Variants in SLC25A48 observed in about 807,000 individuals in gnomAD.
SLC25A48 encodes solute carrier family 25 member 48.
SLC25A48 carries 29 observed loss-of-function variants against 32.2 expected under a neutral mutation model. That is an observed-to-expected ratio of 0.90 (90% CI 0.67 to 1.23). The LOEUF (loss-of-function observed/expected upper bound fraction) is 1.23. Ranked by LOEUF, SLC25A48 falls within the 50% of genes most tolerant of loss-of-function variation. SLC25A48 has a pLI of 0.00. For missense variants in SLC25A48, 399 were observed against 422.7 expected, an observed-to-expected ratio of 0.94 and a Z score of 0.49; for synonymous variants, 164 against 172.3, an observed-to-expected ratio of 0.95 and a Z score of 0.38.
At chr5:135,608,689 T>G (rs1480235133) in intron 1 of SLC25A48, among the ~76,000 whole-genome samples, 1 of 152,236 alleles carries the variant, frequency 6.6e-6, no homozygotes, top group African/African-American at 2.4e-5. Context: ...AGACAATGAC[T>G]GATAGAAGTG....
At chr5:135,711,434 C>A (rs1010600788) in intron 3 of SLC25A48, among the ~76,000 whole-genome samples, 1 of 152,172 alleles carries the variant, frequency 6.6e-6, no homozygotes, top group Non-Finnish European at 1.5e-5. Flanking sequence ...TGAACCCCAG[C>A]CTCTGGGAGA....
chr5:135,833,798 T>G (rs1182887942), upstream of SLC25A48, among the ~76,000 whole-genome samples: 1 of 152,180 alleles, frequency 6.6e-6, no homozygotes, highest in Non-Finnish European at 1.5e-5. Flanking sequence ...AGGATCAAGC[T>G]TCGGTGGTCA....
At chr5:135,797,353 T>G (rs915404044) in intron 3 of SLC25A48, among the ~76,000 whole-genome samples, 2 of 151,958 alleles carry the variant, frequency 1.3e-5, no homozygotes, top group African/African-American at 2.4e-5. Flanking sequence ...ACACACCCAC[T>G]GTGATATTAT....
chr5:135,774,688 G>T (rs994895170), intron 3 of SLC25A48, among the ~76,000 whole-genome samples: 13 of 151,352 alleles, frequency 8.6e-5, no homozygotes, highest in African/African-American at 2.7e-4. Flanking sequence ...CTGTACTATT[G>T]TTCCCAATAT....
At chr5:135,765,541 T>C (rs1256483941) in intron 3 of SLC25A48, among the ~76,000 whole-genome samples, 2 of 150,792 alleles carry the variant, frequency 1.3e-5, no homozygotes, top group South Asian at 2.1e-4. Flanking sequence ...GGGTGTAATA[T>C]AATTTTTAAT....
intron 4 of SLC25A48, among the ~76,000 whole-genome samples, chr5:135,853,797 T>C (rs55653593): frequency 0.066 from 10,112 of 152,228 alleles, 508 homozygotes; most frequent in African/African-American, 0.13. Context: ...TCTAGAATGG[T>C]GAATTTTTTC....
At chr5:135,711,121 A>G (rs1167377068) in intron 3 of SLC25A48, among the ~76,000 whole-genome samples, 1 of 152,216 alleles carries the variant, frequency 6.6e-6, no homozygotes, top group African/African-American at 2.4e-5. Flanking sequence ...AGAGCAGTGC[A>G]AGAGTTGCCT....
intron 1 of SLC25A48, among the ~76,000 whole-genome samples, chr5:135,606,620 C>A (rs567158958): frequency 6.6e-6 from 1 of 152,146 alleles, no homozygotes; most frequent in Non-Finnish European, 1.5e-5. Context: ...AGTGGCAGAC[C>A]CTGAACAAGC....
chr5:135,665,088 T>A (rs1753489304), intron 3 of SLC25A48, among the ~76,000 whole-genome samples: 1 of 152,228 alleles, frequency 6.6e-6, no homozygotes, highest in South Asian at 2.1e-4. Flanking sequence ...CAACATCTAT[T>A]GTTTCTTGAC....
intron 3 of SLC25A48, among the ~76,000 whole-genome samples, chr5:135,795,107 C>T (rs748195291): frequency 6.6e-6 from 1 of 151,856 alleles, no homozygotes; most frequent in Non-Finnish European, 1.5e-5. Context: ...GGGCTGTACA[C>T]CACTCCTGTG....
intron 1 of SLC25A48, among the ~76,000 whole-genome samples, chr5:135,604,661 A>G (rs527951417): frequency 1.3e-5 from 2 of 152,350 alleles, no homozygotes; most frequent in Non-Finnish European, 2.9e-5. Flanking sequence ...CAATTGATAC[A>G]AGGGTAACTC....
rs1561567818 is a variant in SLC25A48, at chr5:135,886,638, AAAT to A, written c.*8-1392_*8-1390del. 6.5e-4 allele frequency among the ~76,000 whole-genome samples: 19 copies of A among 29,024 alleles called. 1 individual carries two copies. Among genetic ancestry groups the A allele is most frequent in the African/African-American group, 2.6e-3 (15 of 5,832 alleles). 19.0% of individuals were successfully genotyped at this position (29,024 alleles called of 152,430 possible). A position where few individuals can be genotyped will look rare whatever the true frequency, so the allele number is the denominator to read the frequency against. On this transcript the variant is annotated intron_variant, in intron 7 of 7. Coordinates refer to ENST00000681962, the MANE Select transcript of SLC25A48 (RefSeq NM_001349336.2). ...ATATATATATATATATATATATATA[AAAT>A]ATATATATGTGTGTGTGTGTGTGTG... is the stretch of plus-strand genomic sequence containing the variant.
intron 3 of SLC25A48, among the ~76,000 whole-genome samples, chr5:135,794,515 G>C (rs1757115765): frequency 6.6e-6 from 1 of 151,820 alleles, no homozygotes; most frequent in Non-Finnish European, 1.5e-5. Context: ...CACCTTACTT[G>C]TGATATTGTT....
chr5:135,831,986 T>C (rs917834790), upstream of SLC25A48, among the ~76,000 whole-genome samples: 2 of 151,890 alleles, frequency 1.3e-5, no homozygotes, highest in Admixed American at 6.6e-5. Flanking sequence ...TTGCGGCTGG[T>C]GGGATAAGAC....
chr5:135,842,357 G>C, intron 1 of SLC25A48, 59 bp from the exon 2 acceptor site: 1 of 1,573,694 alleles, frequency 6.4e-7, no homozygotes, highest in Non-Finnish European at 8.7e-7. Flanking sequence ...CCAAGAGCTG[G>C]CTGGTGTAAG....
intron 1 of SLC25A48, among the ~76,000 whole-genome samples, chr5:135,585,006 T>C (rs562741302): frequency 1.8e-4 from 27 of 152,366 alleles, no homozygotes; most frequent in African/African-American, 6.0e-4. Flanking sequence ...AGCGAGGGCT[T>C]GGGCAGCCTT....
intron 3 of SLC25A48, among the ~76,000 whole-genome samples, chr5:135,782,858 T>A (rs1756747501): frequency 8.5e-6 from 1 of 118,288 alleles, no homozygotes; most frequent in Non-Finnish European, 2.1e-5. Context: ...TTATTCCCAA[T>A]ATCATACCAG....
At position 135,871,465 on chromosome 5, in the gene SLC25A48, C is replaced by A. The variant is rs1183453847; in HGVS notation, c.426C>A (p.Asn142Lys). Residue 142 changes from asparagine (N) to lysine (K), a missense_variant, in exon 5 of 8, where the codon AAC (asparagine) becomes AAA (lysine). Asn to Lys is a moderately conservative substitution (Grantham distance 94). Coordinates refer to ENST00000681962, the MANE Select transcript of SLC25A48 (RefSeq NM_001349336.2). ...TTCTCTCCCCTGTCTTTGCAGCCAA[C>A]CTCGGTTTGAAGTCCAGGGCAGTGG... Reference protein sequence around the residue: ...QMQTQPFRDANLGLKSRAVAP... With the variant: ...QMQTQPFRDAKLGLKSRAVAP... The A allele has an allele frequency of 1.3e-6, 2 of 1,584,220 alleles. No individual in the cohort carries two copies. The highest frequency in any genetic ancestry group is 1.7e-6 in the Non-Finnish European group (2 of 1,161,362).
intron 3 of SLC25A48, among the ~76,000 whole-genome samples, chr5:135,697,368 T>G (rs1754293734): frequency 6.6e-6 from 1 of 152,180 alleles, no homozygotes; most frequent in African/African-American, 2.4e-5. Context: ...CAAGGGTTGT[T>G]GGGCTTGGTA....
Sources: allele counts gnomAD v4.1 joint callset (sites outside exome capture counted in the v4.1 genomes callset), GRCh38; gene constraint gnomAD v4.1.1; transcripts MANE v1.5; gene names NCBI Gene and HGNC (gene_info 2026-07-23, HGNC 2026-07-21).